Variants in ZGRF1 observed in about 807,000 individuals in gnomAD.
ZGRF1 encodes zinc finger GRF-type containing 1, also known as 5'-3' DNA helicase ZGRF1.
A neutral mutation model predicts 203.5 loss-of-function variants in ZGRF1; 196 were observed. The ratio of observed to expected loss-of-function variants is 0.96; its 90% confidence interval spans 0.86 to 1.08. The LOEUF is 1.08. Among genes scored for constraint, ZGRF1 ranks in the 50% least tolerant of loss-of-function variants. ZGRF1 has a pLI of 0.00. For synonymous variants in ZGRF1, 809 were observed against 841.3 expected (o/e 0.96, Z 0.66); for missense variants, 2,326 against 2,416.3 (o/e 0.96, Z 0.78).
At position 112,569,826 on chromosome 4, in the gene ZGRF1, GAAGA is replaced by G. The variant is rs549717969; in HGVS notation, c.4439-6556_4439-6553del. On this transcript the variant is annotated intron_variant, in intron 16 of 27. Transcript: ENST00000505019. ...TTTATAAGGAACACCTGTAAAATAT[GAAGA>G]AAGAAAGATAAAAAAATGAAAAAAG... is the stretch of plus-strand genomic sequence containing the variant. Among the ~76,000 whole-genome samples, 664 of 151,878 alleles carry G rather than the reference GAAGA, an allele frequency of 4.4e-3. 3 individuals carry two copies. Among genetic ancestry groups the G allele is most frequent in the South Asian group, 0.028 (136 of 4,814 alleles).
At chr4:112,550,680 C>T (rs144955686) in intron 22 of ZGRF1, among the ~76,000 whole-genome samples, 1,782 of 152,100 alleles carry the variant, frequency 0.012, 31 homozygotes, top group African/African-American at 0.04. Context: ...TGGTGAAACC[C>T]CATCTCTAAT....
chr4:112,570,551 C>T (rs1394062845), intron 16 of ZGRF1, among the ~76,000 whole-genome samples: 1 of 152,044 alleles, frequency 6.6e-6, no homozygotes, highest in Non-Finnish European at 1.5e-5. Context: ...TGCCACTGCA[C>T]TCCATCCTGG....
At chr4:112,578,802 C>T (rs1376094241) in intron 16 of ZGRF1, among the ~76,000 whole-genome samples, 22 of 119,692 alleles carry the variant, frequency 1.8e-4, no homozygotes, top group African/African-American at 4.4e-4. Context: ...CAAAAAAAGT[C>T]CAGGACCAGA....
At position 112,579,819 on chromosome 4, in the gene ZGRF1, A is replaced by C. The variant is rs185585343; in HGVS notation, c.4438+1844T>G. Among the ~76,000 whole-genome samples, 382 of 122,048 alleles carry C rather than the reference A, an allele frequency of 3.1e-3. 89 individuals carry two copies. The highest frequency in any genetic ancestry group is 0.01 in the African/African-American group (365 of 35,230). The allele number at this position is 122,048 out of a possible 152,430, so 80.1% of individuals were successfully genotyped here. A position where few individuals can be genotyped will look rare whatever the true frequency, so the allele number is the denominator to read the frequency against. On this transcript the variant is annotated intron_variant, in intron 16 of 27. Coordinates refer to ENST00000505019, the MANE Select transcript of ZGRF1 (RefSeq NM_018392.5). ...CATTCCAAGCTCATGGGTAGGAAGAATCAATATTGTGAAAACGGCCATACT... is the reference window on the plus strand; with the variant it reads ...CATTCCAAGCTCATGGGTAGGAAGACTCAATATTGTGAAAACGGCCATACT...
chr4:112,559,423 C>G (rs768897483), intron 19 of ZGRF1, among the ~76,000 whole-genome samples: 1 of 152,184 alleles, frequency 6.6e-6, no homozygotes, highest in African/African-American at 2.4e-5. Context: ...TGACCTTGAA[C>G]TCCTGAGCTT....
At position 112,617,726 on chromosome 4, in the gene ZGRF1, A is replaced by G. The variant is rs1170519491; in HGVS notation, c.2316T>C (p.His772=). Residue 772 remains histidine, a synonymous_variant, in exon 6 of 28, where the codon CAT becomes CAC. Coordinates refer to ENST00000505019, the MANE Select transcript of ZGRF1 (RefSeq NM_018392.5). ...GTGCTTCTGTGTCTTTGGAAATAAG[A>G]TGCTTTTTTCCCAGTGGGTAAAACA... ...NSLFYPLGKK[H]LISKDTEAHI... is the part of the protein sequence containing the mutation. 9 of 1,614,100 alleles carry G rather than the reference A, an allele frequency of 5.6e-6. No homozygotes were observed. The highest frequency in any genetic ancestry group is 7.6e-6 in the Non-Finnish European group (9 of 1,179,998).
intron 24 of ZGRF1, among the ~76,000 whole-genome samples, chr4:112,543,118 A>G (rs1738024607): frequency 6.6e-6 from 1 of 152,162 alleles, no homozygotes; most frequent in Admixed American, 6.5e-5. Context: ...ACAATATTAT[A>G]TCCATGAACT....
At chr4:112,586,966 T>C (rs926510833) in intron 12 of ZGRF1, among the ~76,000 whole-genome samples, 4 of 152,150 alleles carry the variant, frequency 2.6e-5, no homozygotes, top group East Asian at 3.9e-4. Context: ...GCAAACACAA[T>C]TGACAGTCAA....
Position 112,586,341 on chromosome 4 carries a change from A to C in ZGRF1, c.3916+104T>G, listed in dbSNP as rs79939585. The C allele has an allele frequency of 7.1e-4, 556 of 788,074 alleles. 2 individuals are homozygous for C. In the African/African-American group the frequency reaches 8.8e-3, roughly 13 times the overall value. The allele number at this position is 788,074 out of a possible 1,614,324, so 48.8% of individuals were successfully genotyped here. A position where few individuals can be genotyped will look rare whatever the true frequency, so the allele number is the denominator to read the frequency against. Reference sequence around the variant, plus strand: ...CAAAAACTAGAACATATGAAAAATAAGGTATTTAGTATGAAAATTCACAAT... The same window carrying C: ...CAAAAACTAGAACATATGAAAAATACGGTATTTAGTATGAAAATTCACAAT... On this transcript the variant is annotated intron_variant, in intron 13 of 27. Coordinates refer to ENST00000505019, the MANE Select transcript of ZGRF1 (RefSeq NM_018392.5).
Position 112,636,878 on chromosome 4 carries a change from G to T in ZGRF1, c.-94C>A, listed in dbSNP as rs945052355. 3.3e-5 allele frequency: 5 copies of T among 152,102 alleles called. No individual in the cohort carries two copies. Among genetic ancestry groups the T allele is most frequent in the Admixed American group, 3.3e-4 (5 of 15,256 alleles). 9.4% of individuals were successfully genotyped at this position (152,102 alleles called of 1,614,324 possible). ...GTCAAATTGCACAAAATCCACTTTC[G>T]AATTTCTCCCGCGAAACAACGTGAC... is the stretch of plus-strand genomic sequence containing the variant. On this transcript the variant is annotated 5_prime_UTR_variant, in exon 1 of 28. Transcript: ENST00000505019.
At position 112,550,997 on chromosome 4, in the gene ZGRF1, C is replaced by T. The variant is rs368563218; in HGVS notation, c.5347-2617G>A. Among the ~76,000 whole-genome samples, 8 of 152,278 alleles carry T rather than the reference C, an allele frequency of 5.3e-5. No homozygotes were observed. In the East Asian group the frequency reaches 1.2e-3, roughly 22 times the overall value. ...CATGGTCAGTTAACTATAAAGTTAA[C>T]TATTAAAAAGCTATAGTATATATAG... On this transcript the variant is annotated intron_variant, in intron 22 of 27. Coordinates refer to ENST00000505019, the MANE Select transcript of ZGRF1 (RefSeq NM_018392.5).
chr4:112,586,786 A>C (rs1747268065), intron 12 of ZGRF1, among the ~76,000 whole-genome samples: 1 of 152,192 alleles, frequency 6.6e-6, no homozygotes, highest in South Asian at 2.1e-4. Context: ...CCTATATAAG[A>C]GTAACTTTTC....
Position 112,579,120 on chromosome 4 carries a change from T to C in ZGRF1, c.4438+2543A>G, listed in dbSNP as rs1169463169. Among the ~76,000 whole-genome samples the C allele has an allele frequency of 1.6e-5, 2 of 122,402 alleles. 1 individual carries two copies. Among genetic ancestry groups the C allele is most frequent in the Non-Finnish European group, 3.6e-5 (2 of 54,834 alleles). The allele number at this position is 122,402 out of a possible 152,430, so 80.3% of individuals were successfully genotyped here. A position where few individuals can be genotyped will look rare whatever the true frequency, so the allele number is the denominator to read the frequency against. On this transcript the variant is annotated intron_variant, in intron 16 of 27. Coordinates refer to ENST00000505019, the MANE Select transcript of ZGRF1 (RefSeq NM_018392.5). ...TGGGATGCAAGGCTGGTTCAACATA[T>C]GCAAATCAATAAACATAATCCAGCA...
At chr4:112,625,523 T>A (rs1487486865) in intron 3 of ZGRF1, among the ~76,000 whole-genome samples, 1 of 146,734 alleles carries the variant, frequency 6.8e-6, no homozygotes, top group African/African-American at 2.5e-5. Flanking sequence ...GAGGCGGAGC[T>A]TGCAGTAAGC....
intron 10 of ZGRF1, among the ~76,000 whole-genome samples, chr4:112,599,234 G>A (rs1054133009): frequency 6.6e-6 from 1 of 151,900 alleles, no homozygotes; most frequent in Non-Finnish European, 1.5e-5. Flanking sequence ...GAAATAGAGG[G>A]AAATATTTTT....
At chr4:112,600,718 C>T (rs960145940) in intron 10 of ZGRF1, among the ~76,000 whole-genome samples, 1 of 151,968 alleles carries the variant, frequency 6.6e-6, no homozygotes, top group Non-Finnish European at 1.5e-5. Context: ...GACTTGCTGG[C>T]TCCTTGCTTC....
At chr4:112,625,445 C>T (rs2047205044) in intron 3 of ZGRF1, among the ~76,000 whole-genome samples, 1 of 151,354 alleles carries the variant, frequency 6.6e-6, no homozygotes, top group Admixed American at 6.6e-5. Context: ...ATTAGCCGGG[C>T]GCGGTGGCAG....
chr4:112,634,840 T>C (rs539399773), intron 1 of ZGRF1, among the ~76,000 whole-genome samples: 7 of 151,940 alleles, frequency 4.6e-5, no homozygotes, highest in Non-Finnish European at 8.8e-5. Context: ...CTTTCAGAAA[T>C]ATAACTCCTG....
chr4:112,568,247 T>TA (rs1743497682), intron 16 of ZGRF1, among the ~76,000 whole-genome samples: 1 of 151,498 alleles, frequency 6.6e-6, no homozygotes, highest in South Asian at 2.1e-4. Flanking sequence ...TTCCCAGAAG[T>TA]AAAAAAAAGA....
Sources: gnomAD v4.1 joint callset for allele counts (sites outside exome capture counted in the v4.1 genomes callset) on GRCh38, gnomAD v4.1.1 for gene constraint, MANE v1.5 for transcripts, NCBI Gene and HGNC (gene_info 2026-07-23, HGNC 2026-07-21) for gene names.